The following SDK1 variants were observed in gnomAD, a reference collection of about 807,000 sequenced individuals.
The protein encoded by SDK1 is protein sidekick-1.
Under a neutral mutation model 245.5 loss-of-function variants are expected in SDK1, and 157 were observed. That is an observed-to-expected ratio of 0.64 (90% CI 0.56 to 0.73). The LOEUF is 0.73. SDK1 is among the 30% of genes least tolerant of loss of function. The pLI is 0.00. For synonymous variants in SDK1, 1,647 were observed against 1,278.5 expected (o/e 1.29, Z -6.15); for missense variants, 3,583 against 3,002.3 (o/e 1.19, Z -4.52).
intron 1 of SDK1, among the ~76,000 whole-genome samples, chr7:3,593,184 T>C (rs1780939888): frequency 1.3e-5 from 2 of 152,192 alleles, no homozygotes; most frequent in South Asian, 4.1e-4. Flanking sequence ...TTTCTTGACT[T>C]TAAGAACGTA....
chr7:3,385,284 A>G (rs538908473), intron 1 of SDK1, among the ~76,000 whole-genome samples: 2 of 152,130 alleles, frequency 1.3e-5, no homozygotes, highest in Non-Finnish European at 2.9e-5. Context: ...AACCAATTGG[A>G]AGGTACGCTG....
intron 1 of SDK1, among the ~76,000 whole-genome samples, chr7:3,600,575 G>A (rs1357844131): frequency 9.8e-5 from 10 of 102,338 alleles, no homozygotes; most frequent in Non-Finnish European, 1.4e-4. Flanking sequence ...TTTTTTTTGA[G>A]ATGGAGTCTC....
chr7:3,614,887 A>G lies in SDK1; in HGVS notation c.299-4193A>G, dbSNP rs553497070. Among the ~76,000 whole-genome samples, 8 of 144,250 alleles carry G rather than the reference A, an allele frequency of 5.5e-5. No individual in the cohort carries two copies. The South Asian group carries it at 1.7e-3, about 30-fold the overall frequency. The allele number at this position is 144,250 out of a possible 152,430, so 94.6% of individuals were successfully genotyped here. ...TTGGATCTCGAGATATTTGCTTGCC[A>G]GCTATATGAAACCATTCTTTAAAAT... On this transcript the variant is annotated intron_variant, in intron 1 of 44. Coordinates refer to ENST00000404826, the MANE Select transcript of SDK1 (RefSeq NM_152744.4).
intron 5 of SDK1, among the ~76,000 whole-genome samples, chr7:3,948,725 C>T (rs1182400417): frequency 6.6e-6 from 1 of 152,192 alleles, no homozygotes; most frequent in African/African-American, 2.4e-5. Context: ...ACAGCACAGC[C>T]CCTTGGAGTC....
At chr7:3,963,882 A>G (rs893870262) in intron 9 of SDK1, among the ~76,000 whole-genome samples, 4 of 151,874 alleles carry the variant, frequency 2.6e-5, no homozygotes, top group African/African-American at 4.8e-5. Context: ...ACCCGGACAT[A>G]TCCAGTGGGT....
At chr7:4,072,837 C>T (rs960520353) in intron 20 of SDK1, among the ~76,000 whole-genome samples, 1 of 152,128 alleles carries the variant, frequency 6.6e-6, no homozygotes, top group Non-Finnish European at 1.5e-5. Context: ...GTGGTGAGCA[C>T]CCCCAGCTTC....
chr7:3,899,670 G>T (rs1201643080), intron 5 of SDK1, among the ~76,000 whole-genome samples: 2 of 152,204 alleles, frequency 1.3e-5, no homozygotes, highest in Non-Finnish European at 2.9e-5. Context: ...AGCTCCACAG[G>T]CACGCCTGCC....
chr7:3,636,933 G>A (rs1267985030), intron 2 of SDK1, among the ~76,000 whole-genome samples: 2 of 152,082 alleles, frequency 1.3e-5, no homozygotes, highest in East Asian at 3.9e-4. Flanking sequence ...CTGATGATTA[G>A]GGACATTGAG....
chr7:3,575,908 A>G (rs918887688), intron 1 of SDK1, among the ~76,000 whole-genome samples: 1 of 152,014 alleles, frequency 6.6e-6, no homozygotes, highest in African/African-American at 2.4e-5. Flanking sequence ...GCCCAGAGAA[A>G]TAGGAGATGA....
intron 14 of SDK1, among the ~76,000 whole-genome samples, chr7:4,010,078 C>G (rs1785815100): frequency 6.6e-6 from 1 of 152,226 alleles, no homozygotes; most frequent in African/African-American, 2.4e-5. Flanking sequence ...AGCGCCACTT[C>G]AGGTCAGCGA....
chr7:3,615,544 C>T lies in SDK1; in HGVS notation c.299-3536C>T, dbSNP rs756393763. On this transcript the variant is annotated intron_variant, in intron 1 of 44. Coordinates refer to ENST00000404826, the MANE Select transcript of SDK1 (RefSeq NM_152744.4). ...TCCTGCATCAGACCTAGATTATAAGCGCTTAAGGGACAGCGACTGTGTCTT... is the reference window on the plus strand; with the variant it reads ...TCCTGCATCAGACCTAGATTATAAGTGCTTAAGGGACAGCGACTGTGTCTT... Among the ~76,000 whole-genome samples the T allele has an allele frequency of 4.6e-5, 7 of 151,794 alleles. 1 individual carries two copies. Among genetic ancestry groups the T allele is most frequent in the African/African-American group, 7.2e-5 (3 of 41,512 alleles).
At chr7:3,303,896 C>T (rs994786962) in intron 1 of SDK1, among the ~76,000 whole-genome samples, 1 of 152,142 alleles carries the variant, frequency 6.6e-6, no homozygotes, top group African/African-American at 2.4e-5. Flanking sequence ...TGCAGGAGTG[C>T]ATTCTCTTGA....
At chr7:3,875,252 G>A (rs990507506) in intron 5 of SDK1, among the ~76,000 whole-genome samples, 7 of 152,192 alleles carry the variant, frequency 4.6e-5, no homozygotes, top group East Asian at 1.9e-4. Flanking sequence ...GTCAAGAAAA[G>A]TCATTAGTCT....
At chr7:4,014,271 A>G (rs1786217946) in intron 16 of SDK1, among the ~76,000 whole-genome samples, 1 of 152,196 alleles carries the variant, frequency 6.6e-6, no homozygotes, top group Non-Finnish European at 1.5e-5. Flanking sequence ...CGGGGACTGC[A>G]CATTTCTCTG....
At position 3,594,792 on chromosome 7, in the gene SDK1, G is replaced by C. The variant is rs147108579; in HGVS notation, c.299-24288G>C. ...TGTTTTAGAGATAATACTGATATAA[G>C]AACCATCAGTCCCTGCTTTCATTAG... On this transcript the variant is annotated intron_variant, in intron 1 of 44. Transcript: ENST00000404826. Among the ~76,000 whole-genome samples, 580 of 152,198 alleles carry C rather than the reference G, an allele frequency of 3.8e-3. 4 individuals are homozygous for C. The highest frequency in any genetic ancestry group is 0.014 in the African/African-American group (569 of 41,528).
chr7:4,266,822 A>T lies in SDK1; in HGVS notation c.*1438A>T. ...GGGTCCCTGTAAGTGCCCCCTCACC[A>T]GCAGCAGCGTGACACACACAAGACT... On this transcript the variant is annotated 3_prime_UTR_variant, in exon 45 of 45. Transcript: ENST00000404826. 4.1e-6 allele frequency: 4 copies of T among 985,434 alleles called. No homozygotes were observed. The highest frequency in any genetic ancestry group is 4.8e-6 in the Non-Finnish European group (4 of 830,030). 61.0% of individuals were successfully genotyped at this position (985,434 alleles called of 1,614,324 possible). A position where few individuals can be genotyped will look rare whatever the true frequency, so the allele number is the denominator to read the frequency against.
chr7:3,613,492 A>T (rs955270140), intron 1 of SDK1, among the ~76,000 whole-genome samples: 2 of 152,188 alleles, frequency 1.3e-5, no homozygotes, highest in South Asian at 4.1e-4. Flanking sequence ...AGTTACAGGC[A>T]TTCTAACTGG....
At chr7:3,703,513 G>A (rs1329380380) in intron 4 of SDK1, among the ~76,000 whole-genome samples, 3 of 152,214 alleles carry the variant, frequency 2.0e-5, no homozygotes, top group Admixed American at 6.5e-5. Context: ...GTATGGTGAT[G>A]GCAGTTTTGT....
At chr7:3,827,238 A>C (rs1261571422) in intron 5 of SDK1, among the ~76,000 whole-genome samples, 1 of 152,292 alleles carries the variant, frequency 6.6e-6, no homozygotes, top group East Asian at 1.9e-4. Context: ...CTCAGGATAC[A>C]TATAGATTTC....
Sources: allele counts gnomAD v4.1 joint callset (sites outside exome capture counted in the v4.1 genomes callset), GRCh38; gene constraint gnomAD v4.1.1; transcripts MANE v1.5; gene names NCBI Gene and HGNC (gene_info 2026-07-23, HGNC 2026-07-21).